The following UNC80 variants were observed in gnomAD, a reference collection of about 807,000 sequenced individuals.
UNC80 encodes unc-80 subunit of NALCN channel complex, also known as protein unc-80 homolog.
In UNC80, 164 loss-of-function variants were observed where a neutral mutation model predicts 384.6. The observed-to-expected ratio is 0.43, with a 90% CI of 0.38 to 0.49. The LOEUF is 0.49. Among genes scored for constraint, UNC80 ranks in the 20% least tolerant of loss-of-function variants. The probability of loss-of-function intolerance (pLI) is 0.00; values close to 1 mark genes in which losing one functional copy is unlikely to be tolerated. For missense variants in UNC80, 3,330 were observed against 4,143.0 expected (o/e 0.80, Z 5.39); for synonymous variants, 1,486 against 1,527.8 (o/e 0.97, Z 0.64).
intron 22 of UNC80, among the ~76,000 whole-genome samples, chr2:209,858,301 A>G (rs1385662259): frequency 6.6e-6 from 1 of 152,224 alleles, no homozygotes; most frequent in Non-Finnish European, 1.5e-5. Flanking sequence ...TACAAGGCTA[A>G]TAGATAGCTA....
intron 45 of UNC80, among the ~76,000 whole-genome samples, chr2:209,944,340 A>G (rs1289617931): frequency 6.6e-6 from 1 of 152,154 alleles, no homozygotes; most frequent in Non-Finnish European, 1.5e-5. Context: ...TTTTACCACC[A>G]TATCACATGT....
At chr2:209,938,917 C>T (rs1030210713) in intron 42 of UNC80, among the ~76,000 whole-genome samples, 1 of 152,088 alleles carries the variant, frequency 6.6e-6, no homozygotes, top group African/African-American at 2.4e-5. Context: ...TATAAACTTC[C>T]TAATCATCAA....
chr2:209,802,617 CCTT>C (rs556310449), intron 7 of UNC80, among the ~76,000 whole-genome samples: 28 of 152,202 alleles, frequency 1.8e-4, no homozygotes, highest in Non-Finnish European at 2.9e-4. Flanking sequence ...AGTGGAATGT[CCTT>C]CTTATACATC....
intron 22 of UNC80, among the ~76,000 whole-genome samples, chr2:209,862,649 C>CTTTTTTTTTT (rs71043955): frequency 0.021 from 1,668 of 78,258 alleles, 54 homozygotes; most frequent in South Asian, 0.032. Flanking sequence ...GCAACCTCTG[C>CTTTTTTTTTT]TTTTTTTTTT....
At chr2:209,804,509 T>C (rs940450437) in intron 7 of UNC80, among the ~76,000 whole-genome samples, 2 of 152,092 alleles carry the variant, frequency 1.3e-5, no homozygotes, top group African/African-American at 4.8e-5. Context: ...TCTGGAAGTG[T>C]TTTTGCTGAT....
chr2:209,904,061 G>A (rs1011891283), intron 28 of UNC80, among the ~76,000 whole-genome samples: 3 of 152,122 alleles, frequency 2.0e-5, no homozygotes, highest in Admixed American at 1.3e-4. Flanking sequence ...CCAAATGCAA[G>A]GGCCTTTATT....
In UNC80 at chr2:209,839,477, A is replaced by G; in HGVS notation, c.3250+47A>G. 2 of 1,543,104 alleles carry G rather than the reference A, an allele frequency of 1.3e-6. No individual in the cohort carries two copies. Among genetic ancestry groups the G allele is most frequent in the Non-Finnish European group, 1.8e-6 (2 of 1,139,760 alleles). ...TTTATGGATTATCTTATTACCAACC[A>G]TGTCCTCAGATCAACTCAGTGATGC... On this transcript the variant is annotated intron_variant, in intron 19 of 64. Coordinates refer to ENST00000673920, the MANE Select transcript of UNC80 (RefSeq NM_001371986.1). The surrounding 1 kb of genome is among the most constrained non-coding windows in gnomAD (Gnocchi z 4.1).
At chr2:209,883,122 T>G (rs2085446552) in intron 25 of UNC80, among the ~76,000 whole-genome samples, 1 of 152,218 alleles carries the variant, frequency 6.6e-6, no homozygotes, top group Admixed American at 6.5e-5. Flanking sequence ...TTCTCACATT[T>G]CAGCTATCTA....
intron 7 of UNC80, among the ~76,000 whole-genome samples, chr2:209,805,529 G>C (rs963377143): frequency 1.3e-5 from 2 of 152,182 alleles, no homozygotes; most frequent in East Asian, 3.8e-4. Context: ...GTATCTGAAG[G>C]CTTGACTGGT....
intron 40 of UNC80, among the ~76,000 whole-genome samples, chr2:209,936,158 A>G (rs1227666435): frequency 2.6e-5 from 4 of 152,140 alleles, no homozygotes; most frequent in Admixed American, 2.0e-4. Context: ...CCTCATTCAG[A>G]CATCTCCAGA....
rs776047891 is a variant in UNC80, at chr2:209,972,233, G to A, written c.8289G>A (p.Val2763=). The change falls in exon 55 of 65, where the codon GTG becomes GTA. Residue 2763 remains valine (V), a synonymous_variant. Transcript: ENST00000673920. ...ALKEDFPLSH[V]ISPFTNQERR... ...AAGAAGATTTTCCTTTAAGCCATGT[G>A]ATCTCCCCATTCACCAATCAAGAGC... 1.4e-5 allele frequency: 22 copies of A among 1,551,434 alleles called. No homozygotes were observed. The South Asian group carries it at 2.5e-4, about 18-fold the overall frequency.
intron 31 of UNC80, among the ~76,000 whole-genome samples, chr2:209,915,914 C>T (rs1026538283): frequency 2.6e-5 from 4 of 152,078 alleles, no homozygotes; most frequent in Non-Finnish European, 4.4e-5. Context: ...AATAAGTACT[C>T]AAGGTGGTGG....
intron 14 of UNC80, 51 bp downstream of exon 14, chr2:209,826,104 G>A (rs1489616632): frequency 6.7e-7 from 1 of 1,491,466 alleles, no homozygotes; most frequent in Non-Finnish European, 9.0e-7. Flanking sequence ...CTTCCCTTCT[G>A]TTTAAGAATG....
chr2:209,973,037 T>C, intron 55 of UNC80, 27 bp from the exon 56 acceptor site: 1 of 1,549,870 alleles, frequency 6.5e-7, no homozygotes, highest in Non-Finnish European at 8.7e-7. Flanking sequence ...TTCTTTCCAC[T>C]TCCGTCTTCC....
chr2:209,988,472 T>TA (rs1194230508), intron 61 of UNC80, among the ~76,000 whole-genome samples: 1 of 152,214 alleles, frequency 6.6e-6, no homozygotes, highest in African/African-American at 2.4e-5. Context: ...GGCCCTTGTT[T>TA]ACCTATCCTT....
At chr2:209,866,488 CCCCACACACACACA>C (rs1574809727) in intron 22 of UNC80, among the ~76,000 whole-genome samples, 1 of 106,742 alleles carries the variant, frequency 9.4e-6, no homozygotes, top group East Asian at 2.6e-4. Context: ...CAAAATGCAC[CCCCACACACACACA>C]CACACACACA....
chr2:209,801,163 T>C (rs2153826289), intron 7 of UNC80, among the ~76,000 whole-genome samples: 1 of 152,248 alleles, frequency 6.6e-6, no homozygotes, highest in Non-Finnish European at 1.5e-5. Flanking sequence ...TGTTAAAGTC[T>C]CCCACTATTA....
chr2:209,867,316 G>A (rs34073663), intron 22 of UNC80, among the ~76,000 whole-genome samples: 14,128 of 152,186 alleles, frequency 0.093, 802 homozygotes, highest in South Asian at 0.24. Flanking sequence ...TTTGAGAAGT[G>A]CTGGTTTGAA....
At chr2:209,828,185 G>A (rs950510848) in intron 14 of UNC80, among the ~76,000 whole-genome samples, 1 of 152,056 alleles carries the variant, frequency 6.6e-6, no homozygotes, top group Non-Finnish European at 1.5e-5. Context: ...CTTTATAAAT[G>A]CTGCAATAAA....
Sources: gnomAD v4.1 joint callset for allele counts (sites outside exome capture counted in the v4.1 genomes callset) on GRCh38, gnomAD v4.1.1 for gene constraint, Gnocchi (gnomAD v3.1) non-coding constraint, MANE v1.5 for transcripts, NCBI Gene and HGNC (gene_info 2026-07-23, HGNC 2026-07-21) for gene names.